The following RORB variants were observed in gnomAD, a reference collection of about 807,000 sequenced individuals.
The protein encoded by RORB is RAR related orphan receptor B, also known as nuclear receptor ROR-beta.
In RORB, 6 loss-of-function variants were observed where a neutral mutation model predicts 59.1. That is an observed-to-expected ratio of 0.10 (90% CI 0.06 to 0.20). The LOEUF (loss-of-function observed/expected upper bound fraction) is 0.20. RORB is among the 10% of genes least tolerant of loss of function. The pLI is 1.00. For synonymous variants in RORB, 215 were observed against 204.5 expected, an observed-to-expected ratio of 1.05 and a Z score of -0.44; for missense variants, 320 against 560.5, an observed-to-expected ratio of 0.57 and a Z score of 4.33.
intron 1 of RORB, among the ~76,000 whole-genome samples, chr9:74,558,581 G>A (rs923002030): frequency 5.3e-5 from 8 of 152,174 alleles, no homozygotes; most frequent in Non-Finnish European, 1.0e-4. Flanking sequence ...TGGGTTGAGT[G>A]GATCACAGTA....
intron 1 of RORB, among the ~76,000 whole-genome samples, chr9:74,611,760 G>C (rs975331693): frequency 9.2e-5 from 14 of 152,182 alleles, no homozygotes; most frequent in Admixed American, 1.3e-4. Context: ...CGATTCTCCT[G>C]CCTGAGCCTC....
chr9:74,609,827 C>T (rs1823207630), intron 1 of RORB, among the ~76,000 whole-genome samples: 1 of 152,128 alleles, frequency 6.6e-6, no homozygotes, highest in Non-Finnish European at 1.5e-5. Context: ...CCTATTTTGT[C>T]CCCAGGGGGT....
At chr9:74,615,258 C>A (rs1823293486) in intron 1 of RORB, among the ~76,000 whole-genome samples, 1 of 152,144 alleles carries the variant, frequency 6.6e-6, no homozygotes, top group Non-Finnish European at 1.5e-5. Context: ...AGGATGAAAA[C>A]AAAGGGGAAT....
intron 4 of RORB, among the ~76,000 whole-genome samples, chr9:74,654,014 T>C (rs934359175): frequency 1.3e-5 from 2 of 152,220 alleles, no homozygotes; most frequent in Non-Finnish European, 2.9e-5. Flanking sequence ...CCTTTTTCTT[T>C]CTACATAGAA....
chr9:74,687,090 A>G lies in RORB; in HGVS notation c.*1472A>G, dbSNP rs1237764455. The G allele has an allele frequency of 6.6e-6, 1 of 152,184 alleles. No individual in the cohort carries two copies. Among genetic ancestry groups the G allele is most frequent in the Non-Finnish European group, 1.5e-5 (1 of 68,028 alleles). 9.4% of individuals were successfully genotyped at this position (152,184 alleles called of 1,614,324 possible). ...CTCCACCTGCTCACCAATGAAATTAATCATAAGAAAAGCATATATTCCAAG... is the reference window on the plus strand; with the variant it reads ...CTCCACCTGCTCACCAATGAAATTAGTCATAAGAAAAGCATATATTCCAAG... On this transcript the variant is annotated 3_prime_UTR_variant, in exon 10 of 10. Transcript: ENST00000376896.
At chr9:74,521,700 G>A (rs575906074) in intron 1 of RORB, among the ~76,000 whole-genome samples, 1 of 151,804 alleles carries the variant, frequency 6.6e-6, no homozygotes, top group African/African-American at 2.4e-5. Context: ...GGCTTCTACA[G>A]TTTACTCCTG....
intron 1 of RORB, among the ~76,000 whole-genome samples, chr9:74,529,424 T>A (rs1005121542): frequency 6.6e-5 from 10 of 151,830 alleles, no homozygotes; most frequent in Middle Eastern, 3.2e-3. Context: ...CTCTCCATAG[T>A]TTCTGCTCCT....
intron 1 of RORB, among the ~76,000 whole-genome samples, chr9:74,585,027 C>T (rs535422866): frequency 6.6e-6 from 1 of 152,310 alleles, no homozygotes; most frequent in African/African-American, 2.4e-5. Context: ...AATCTCAGCC[C>T]TAATGCAGTG....
intron 2 of RORB, among the ~76,000 whole-genome samples, chr9:74,634,292 T>A (rs1462375497): frequency 6.6e-6 from 1 of 152,204 alleles, no homozygotes; most frequent in Non-Finnish European, 1.5e-5. Flanking sequence ...GGTTTAGTAA[T>A]CTCCTTTGCT....
intron 1 of RORB, among the ~76,000 whole-genome samples, chr9:74,571,425 T>TTAA (rs1206435765): frequency 6.6e-6 from 1 of 151,812 alleles, no homozygotes; most frequent in East Asian, 1.9e-4. Flanking sequence ...AAACACAGTT[T>TTAA]TAATTACTAG....
chr9:74,689,661 T>C lies in RORB; in HGVS notation c.*4043T>C, dbSNP rs1356997376. On this transcript the variant is annotated 3_prime_UTR_variant, in exon 10 of 10. Transcript: ENST00000376896. ...CAGGGAGGTGTCAGTACATTTCCTA[T>C]CATAGCTGCCTTGTTCAAAGCATAA... 1 of 152,212 alleles carries C rather than the reference T, an allele frequency of 6.6e-6. No homozygotes were observed. Among genetic ancestry groups the C allele is most frequent in the Non-Finnish European group, 1.5e-5 (1 of 68,044 alleles). 9.4% of individuals were successfully genotyped at this position (152,212 alleles called of 1,614,324 possible). A position where few individuals can be genotyped will look rare whatever the true frequency, so the allele number is the denominator to read the frequency against.
At chr9:74,530,796 C>T (rs993298851) in intron 1 of RORB, among the ~76,000 whole-genome samples, 1 of 151,900 alleles carries the variant, frequency 6.6e-6, no homozygotes, top group Non-Finnish European at 1.5e-5. Flanking sequence ...CATATGTACA[C>T]ATGTGCCACG....
chr9:74,649,828 A>C (rs1823963742), intron 4 of RORB, among the ~76,000 whole-genome samples: 1 of 152,210 alleles, frequency 6.6e-6, no homozygotes, highest in Non-Finnish European at 1.5e-5. Context: ...TGCCTCTGTC[A>C]ATACAGTTTT....
At chr9:74,668,831 A>T (rs1824307051) in intron 8 of RORB, among the ~76,000 whole-genome samples, 1 of 152,136 alleles carries the variant, frequency 6.6e-6, no homozygotes, top group Admixed American at 6.6e-5. Context: ...TGACCTACAC[A>T]GTTCAAACCT....
At chr9:74,519,289 C>A (rs1243817826) in intron 1 of RORB, among the ~76,000 whole-genome samples, 1 of 151,870 alleles carries the variant, frequency 6.6e-6, no homozygotes, top group East Asian at 1.9e-4. Flanking sequence ...CGCATGCACG[C>A]GGGAAGTATT....
intron 1 of RORB, among the ~76,000 whole-genome samples, chr9:74,506,389 C>A (rs1825870865): frequency 6.6e-6 from 1 of 152,024 alleles, no homozygotes; most frequent in South Asian, 2.1e-4. Context: ...GTAATAAAAA[C>A]CTGAGTGTGA....
intron 4 of RORB, among the ~76,000 whole-genome samples, chr9:74,658,949 G>T (rs556814090): frequency 6.6e-6 from 1 of 152,298 alleles, no homozygotes; most frequent in East Asian, 1.9e-4. Flanking sequence ...TTAGCATTTG[G>T]TAGCATCTTC....
At chr9:74,513,956 C>A (rs1825976388) in intron 1 of RORB, among the ~76,000 whole-genome samples, 1 of 152,062 alleles carries the variant, frequency 6.6e-6, no homozygotes. Flanking sequence ...AATTTCTATT[C>A]CACAGTGTTC....
chr9:74,680,667 CAAAAAAAG>C (rs1039483290), intron 9 of RORB, among the ~76,000 whole-genome samples: 1 of 151,378 alleles, frequency 6.6e-6, no homozygotes, highest in African/African-American at 2.4e-5. Flanking sequence ...AAACCAAAAA[CAAAAAAAG>C]AAAAAAAGAA....
Sources: allele counts gnomAD v4.1 joint callset (sites outside exome capture counted in the v4.1 genomes callset), GRCh38; gene constraint gnomAD v4.1.1; transcripts MANE v1.5; gene names NCBI Gene and HGNC (gene_info 2026-07-23, HGNC 2026-07-21).